Variants in KCNJ3 observed in about 807,000 individuals in gnomAD.
KCNJ3 encodes G protein-activated inward rectifier potassium channel 1.
A neutral mutation model predicts 39.2 loss-of-function variants in KCNJ3; 4 were observed. The ratio of observed to expected loss-of-function variants is 0.10; its 90% CI spans 0.05 to 0.23. The LOEUF (loss-of-function observed/expected upper bound fraction) is 0.23. Among genes scored for constraint, KCNJ3 ranks in the 10% least tolerant of loss-of-function variants. KCNJ3 has a pLI of 1.00. For missense variants in KCNJ3, 276 were observed against 634.9 expected (o/e 0.43, Z 6.08); for synonymous variants, 230 against 237.4 (o/e 0.97, Z 0.29).
chr2:154,800,425 C>T (rs556458072), intron 2 of KCNJ3, among the ~76,000 whole-genome samples: 12 of 152,188 alleles, frequency 7.9e-5, no homozygotes, highest in African/African-American at 1.4e-4. Context: ...AAATGGAGGA[C>T]GGGATGTAGA....
At position 154,772,641 on chromosome 2, in the gene KCNJ3, A is replaced by G. The variant is rs10197338; in HGVS notation, c.919+62822A>G. On this transcript the variant is annotated intron_variant, in intron 2 of 2. Coordinates refer to ENST00000295101, the MANE Select transcript of KCNJ3 (RefSeq NM_002239.4). ...CTCAAATTGTTAAAAAAGAATATGT[A>G]CTGTGTAATGAATGAATGTTTACAG... Among the ~76,000 whole-genome samples, 1,338 of 152,280 alleles carry G rather than the reference A, an allele frequency of 8.8e-3. 16 individuals carry two copies. Among genetic ancestry groups the G allele is most frequent in the African/African-American group, 0.03 (1,251 of 41,554 alleles).
chr2:154,700,556 A>C lies in KCNJ3; in HGVS notation c.702+1079A>C, dbSNP rs76719018. ...TCGTACAATGAAAAATATTTATCTG[A>C]GGTTGCGTAGAGAACTGAAGCCAGA... On this transcript the variant is annotated intron_variant, in intron 1 of 2. Transcript: ENST00000295101. Among the ~76,000 whole-genome samples, 372 of 152,320 alleles carry C rather than the reference A, an allele frequency of 2.4e-3. 8 individuals are homozygous for C. The South Asian group carries it at 0.035, about 15-fold the overall frequency.
At chr2:154,789,497 A>C (rs529656358) in intron 2 of KCNJ3, among the ~76,000 whole-genome samples, 1 of 152,198 alleles carries the variant, frequency 6.6e-6, no homozygotes, top group Non-Finnish European at 1.5e-5. Context: ...TGTAGAAGTC[A>C]AACCTGATTA....
chr2:154,705,181 C>T (rs946855990), intron 1 of KCNJ3, among the ~76,000 whole-genome samples: 1 of 152,056 alleles, frequency 6.6e-6, no homozygotes, highest in Non-Finnish European at 1.5e-5. Flanking sequence ...ATTAGAGAGA[C>T]GGGAGAGAGA....
intron 2 of KCNJ3, among the ~76,000 whole-genome samples, chr2:154,838,954 ATTTT>A (rs1312151800): frequency 6.6e-6 from 1 of 151,818 alleles, no homozygotes; most frequent in Non-Finnish European, 1.5e-5. Context: ...GTATGTATTT[ATTTT>A]TATTATACTT....
intron 2 of KCNJ3, among the ~76,000 whole-genome samples, chr2:154,761,062 C>CTTTTTTTTT (rs11375045): frequency 6.0e-5 from 8 of 133,908 alleles, no homozygotes; most frequent in Non-Finnish European, 1.1e-4. Flanking sequence ...TTAATTTTTT[C>CTTTTTTTTT]TTTTTTTTTT....
At chr2:154,716,276 A>ATTTTTTTTTTTTTTTTT (rs535989708) in intron 2 of KCNJ3, among the ~76,000 whole-genome samples, 2 of 115,484 alleles carry the variant, frequency 1.7e-5, no homozygotes, top group Non-Finnish European at 1.7e-5. Context: ...CGGCCGGCTA[A>ATTTTTTTTTTTTTTTTT]TTTTTTTTTT....
chr2:154,768,496 T>C (rs1686175534), intron 2 of KCNJ3, among the ~76,000 whole-genome samples: 1 of 152,160 alleles, frequency 6.6e-6, no homozygotes, highest in African/African-American at 2.4e-5. Context: ...CAGATGGTTG[T>C]AGATGTGTGG....
At chr2:154,759,114 A>T (rs1685990450) in intron 2 of KCNJ3, among the ~76,000 whole-genome samples, 1 of 152,168 alleles carries the variant, frequency 6.6e-6, no homozygotes, top group African/African-American at 2.4e-5. Context: ...TTAAATGCCC[A>T]TTTATAATGT....
At chr2:154,711,428 C>T (rs531242048) in intron 2 of KCNJ3, among the ~76,000 whole-genome samples, 1 of 152,196 alleles carries the variant, frequency 6.6e-6, no homozygotes, top group South Asian at 2.1e-4. Flanking sequence ...GACATTAATG[C>T]ATTTTTGCTT....
chr2:154,698,746 G>A lies in KCNJ3; in HGVS notation c.-30G>A, dbSNP rs1281527954. 4.0e-6 allele frequency: 6 copies of A among 1,494,926 alleles called. No individual in the cohort carries two copies. Among genetic ancestry groups the A allele is most frequent in the East Asian group, 4.7e-5 (2 of 42,920 alleles). 92.6% of individuals were successfully genotyped at this position (1,494,926 alleles called of 1,614,324 possible). A position where few individuals can be genotyped will look rare whatever the true frequency, so the allele number is the denominator to read the frequency against. On this transcript the variant is annotated 5_prime_UTR_variant, in exon 1 of 3. Transcript: ENST00000295101. ...CGCCCAGCTCCTGCGCCTTCGCTTC[G>A]CGTTTGAATCTGGCTCGCCCCTTCG... is the stretch of plus-strand genomic sequence containing the variant.
In KCNJ3 at chr2:154,858,006, G is replaced by A. The variant is rs2105146013; in HGVS notation, c.*2693G>A. On this transcript the variant is annotated 3_prime_UTR_variant, in exon 3 of 3. Coordinates refer to ENST00000295101, the MANE Select transcript of KCNJ3 (RefSeq NM_002239.4). Reference sequence around the variant, plus strand: ...TATTTTAGAAAATGTGACTGGCTTAGGACGGGGATAATATGTGAACAGAAA... The same window carrying A: ...TATTTTAGAAAATGTGACTGGCTTAAGACGGGGATAATATGTGAACAGAAA... The A allele has an allele frequency of 6.7e-6, 1 of 149,692 alleles. No individual in the cohort carries two copies. The highest frequency in any genetic ancestry group is 2.1e-4 in the South Asian group (1 of 4,736). 9.3% of individuals were successfully genotyped at this position (149,692 alleles called of 1,614,324 possible). A position where few individuals can be genotyped will look rare whatever the true frequency, so the allele number is the denominator to read the frequency against.
chr2:154,857,886 C>CAAAATAAAAAAA lies in KCNJ3; in HGVS notation c.*2577_*2578insTAAAAAAAAAAA, dbSNP rs1687867195. On this transcript the variant is annotated 3_prime_UTR_variant, in exon 3 of 3. Transcript: ENST00000295101. ...ACAGTGCGAGACTCCATCTCAACATCAAAAAAAAAAAAAAAAAAAAAAAAA... is the reference window on the plus strand; with the variant it reads ...ACAGTGCGAGACTCCATCTCAACATCAAAATAAAAAAAAAAAAAAAAAAAAAAAAAAAAAAAA... 1 of 41,966 alleles carries CAAAATAAAAAAA rather than the reference C, an allele frequency of 2.4e-5. No homozygotes were observed. Among genetic ancestry groups the CAAAATAAAAAAA allele is most frequent in the Non-Finnish European group, 4.1e-5 (1 of 24,264 alleles). 2.6% of individuals were successfully genotyped at this position (41,966 alleles called of 1,614,324 possible).
intron 2 of KCNJ3, among the ~76,000 whole-genome samples, chr2:154,747,159 A>G (rs528388759): frequency 2.0e-5 from 3 of 152,104 alleles, no homozygotes; most frequent in East Asian, 3.9e-4. Context: ...GTGACTATAG[A>G]TAATAGTTTA....
At chr2:154,778,301 T>A (rs1225614212) in intron 2 of KCNJ3, among the ~76,000 whole-genome samples, 1 of 152,194 alleles carries the variant, frequency 6.6e-6, no homozygotes, top group Non-Finnish European at 1.5e-5. Flanking sequence ...AAACAAAGAC[T>A]TAGCAGTCAT....
Position 154,850,008 on chromosome 2 carries a change from C to CTTTTTTTTTTTTT in KCNJ3, c.920-4695_920-4683dup, listed in dbSNP as rs373062062. Among the ~76,000 whole-genome samples, 65 of 48,860 alleles carry CTTTTTTTTTTTTT rather than the reference C, an allele frequency of 1.3e-3. 2 individuals carry two copies. Among genetic ancestry groups the CTTTTTTTTTTTTT allele is most frequent in the South Asian group, 2.1e-3 (2 of 944 alleles). 32.1% of individuals were successfully genotyped at this position (48,860 alleles called of 152,430 possible). On this transcript the variant is annotated intron_variant, in intron 2 of 2. Transcript: ENST00000295101. ...TTGCAATGCAATGTACAGAATAAAT[C>CTTTTTTTTTTTTT]TTTTTTTTTTTTTTTTTTTTTTTTT...
At chr2:154,822,125 C>T (rs981986836) in intron 2 of KCNJ3, among the ~76,000 whole-genome samples, 3 of 152,126 alleles carry the variant, frequency 2.0e-5, no homozygotes, top group African/African-American at 7.2e-5. Context: ...AGAAACAAGG[C>T]AGCAGAGTAA....
chr2:154,702,994 C>T (rs1684932405), intron 1 of KCNJ3, among the ~76,000 whole-genome samples: 2 of 151,844 alleles, frequency 1.3e-5, no homozygotes, highest in Non-Finnish European at 2.9e-5. Context: ...GATTTGAGAC[C>T]AGTAGTTGTA....
chr2:154,771,040 C>G (rs1025328610), intron 2 of KCNJ3, among the ~76,000 whole-genome samples: 16 of 151,882 alleles, frequency 1.1e-4, no homozygotes, highest in Non-Finnish European at 2.2e-4. Flanking sequence ...CAGGCACACA[C>G]CACCATGCCC....
Sources: gnomAD v4.1 joint callset for allele counts (sites outside exome capture counted in the v4.1 genomes callset) on GRCh38, gnomAD v4.1.1 for gene constraint, MANE v1.5 for transcripts, NCBI Gene and HGNC (gene_info 2026-07-23, HGNC 2026-07-21) for gene names.